Variants in RNF150 observed in about 807,000 individuals in gnomAD.
RNF150 encodes ring finger protein 150.
RNF150 carries 24 observed loss-of-function variants against 39.3 expected under a neutral mutation model. That is an observed-to-expected ratio of 0.61 (90% CI 0.44 to 0.86). The LOEUF is 0.86. Among genes scored for constraint, RNF150 ranks in the 40% least tolerant of loss-of-function variants. RNF150 has a pLI of 0.00. For missense variants in RNF150, 502 were observed against 587.8 expected (o/e 0.85, Z 1.51); for synonymous variants, 255 against 227.3 (o/e 1.12, Z -1.10).
chr4:140,882,612 T>C (rs1309828561), intron 6 of RNF150, among the ~76,000 whole-genome samples: 5 of 152,196 alleles, frequency 3.3e-5, no homozygotes, highest in Non-Finnish European at 5.9e-5. Context: ...CTCTGTTAGG[T>C]AAATATATAT....
chr4:141,127,865 A>C (rs2111101128), intron 1 of RNF150, among the ~76,000 whole-genome samples: 1 of 152,280 alleles, frequency 6.6e-6, no homozygotes, highest in African/African-American at 2.4e-5. Flanking sequence ...AAAACATACC[A>C]TTTCCTCAAC....
chr4:141,061,140 TA>T (rs1043894777), intron 1 of RNF150, among the ~76,000 whole-genome samples: 30 of 148,784 alleles, frequency 2.0e-4, no homozygotes, highest in African/African-American at 4.7e-4. Context: ...AGTATAATAA[TA>T]AAAAAAAGTA....
chr4:141,097,384 T>C (rs1578726243), intron 1 of RNF150, among the ~76,000 whole-genome samples: 1 of 152,218 alleles, frequency 6.6e-6, no homozygotes, highest in Non-Finnish European at 1.5e-5. Flanking sequence ...TTCATACATA[T>C]AGTTGGGCAT....
intron 1 of RNF150, among the ~76,000 whole-genome samples, chr4:141,153,988 C>T (rs1444320607): frequency 1.3e-5 from 2 of 152,306 alleles, no homozygotes; most frequent in South Asian, 4.1e-4. Flanking sequence ...ATTTCTCCAT[C>T]TCTCTGTGCC....
chr4:141,123,476 C>T (rs573611976), intron 1 of RNF150, among the ~76,000 whole-genome samples: 7 of 152,286 alleles, frequency 4.6e-5, no homozygotes, highest in Non-Finnish European at 8.8e-5. Flanking sequence ...TATACATCTC[C>T]GGAATGCATG....
At chr4:140,902,661 T>C (rs1730228579) in intron 6 of RNF150, among the ~76,000 whole-genome samples, 2 of 152,250 alleles carry the variant, frequency 1.3e-5, no homozygotes, top group African/African-American at 2.4e-5. Context: ...ATAGCTATTA[T>C]TGTTAAAATT....
intron 6 of RNF150, among the ~76,000 whole-genome samples, chr4:140,893,495 A>G (rs1729831509): frequency 6.6e-6 from 1 of 152,262 alleles, no homozygotes; most frequent in Non-Finnish European, 1.5e-5. Context: ...AACAAGACCT[A>G]GACTGAGCAG....
chr4:141,111,136 C>G (rs1317236786), intron 1 of RNF150, among the ~76,000 whole-genome samples: 1 of 152,162 alleles, frequency 6.6e-6, no homozygotes, highest in Non-Finnish European at 1.5e-5. Flanking sequence ...AAAATGTCAA[C>G]AGTGCCAAGG....
chr4:141,013,622 T>A (rs1735155234), intron 1 of RNF150, among the ~76,000 whole-genome samples: 1 of 152,166 alleles, frequency 6.6e-6, no homozygotes, highest in Non-Finnish European at 1.5e-5. Flanking sequence ...AAGTTTTTGT[T>A]TTTTTCCAAT....
At chr4:141,027,912 G>GTTTTGTTTTTTTTT (rs1735766281) in intron 1 of RNF150, among the ~76,000 whole-genome samples, 1 of 27,102 alleles carries the variant, frequency 3.7e-5, no homozygotes, top group Non-Finnish European at 8.6e-5. Context: ...CTTGGAATTT[G>GTTTTGTTTTTTTTT]TTTTTTTTTT....
chr4:141,014,511 ACC>A (rs1485988470), intron 1 of RNF150, among the ~76,000 whole-genome samples: 10 of 152,136 alleles, frequency 6.6e-5, no homozygotes, highest in Admixed American at 6.5e-4. Context: ...GTTATCTTTC[ACC>A]TTTTTGATAA....
At chr4:141,198,806 A>G (rs1481617896) in intron 1 of RNF150, among the ~76,000 whole-genome samples, 1 of 152,262 alleles carries the variant, frequency 6.6e-6, no homozygotes, top group African/African-American at 2.4e-5. Flanking sequence ...ATAAGGCTAA[A>G]GTAGAACAAT....
At chr4:140,876,006 A>C (rs944226809) in intron 6 of RNF150, among the ~76,000 whole-genome samples, 1 of 152,158 alleles carries the variant, frequency 6.6e-6, no homozygotes, top group African/African-American at 2.4e-5. Context: ...CTGTTTTGAG[A>C]GAAAATAAGG....
At chr4:140,961,040 T>C (rs1277881232) in intron 2 of RNF150, among the ~76,000 whole-genome samples, 1 of 152,074 alleles carries the variant, frequency 6.6e-6, no homozygotes, top group African/African-American at 2.4e-5. Context: ...AAGCAAAGAT[T>C]TGAATCGAGA....
intron 1 of RNF150, among the ~76,000 whole-genome samples, chr4:141,193,360 A>G (rs560796249): frequency 3.5e-4 from 54 of 152,298 alleles, no homozygotes; most frequent in South Asian, 4.1e-4. Context: ...TTTGTGCCCA[A>G]TCTTGGGCTT....
chr4:141,212,328 G>A (rs144689172), intron 1 of RNF150, among the ~76,000 whole-genome samples: 120 of 152,276 alleles, frequency 7.9e-4, no homozygotes, highest in African/African-American at 2.8e-3. Flanking sequence ...AACCTAGGAA[G>A]AAGGGACTTA....
chr4:141,205,341 T>A (rs756317659), intron 1 of RNF150, among the ~76,000 whole-genome samples: 9 of 152,214 alleles, frequency 5.9e-5, no homozygotes, highest in Non-Finnish European at 1.2e-4. Flanking sequence ...CAGAAGATTC[T>A]TTCAGGCTAT....
intron 1 of RNF150, among the ~76,000 whole-genome samples, chr4:141,182,832 T>G (rs2111190429): frequency 7.4e-6 from 1 of 136,048 alleles, no homozygotes; most frequent in South Asian, 2.6e-4. Flanking sequence ...AAAAACTACT[T>G]TAAAGTTCAT....
chr4:141,135,350 C>T (rs972209320), upstream of RNF150, among the ~76,000 whole-genome samples: 1 of 152,214 alleles, frequency 6.6e-6, no homozygotes, highest in Non-Finnish European at 1.5e-5. Flanking sequence ...CCACGAAAAG[C>T]AAGCTGGCTG....
Sources: gnomAD v4.1 joint callset for allele counts (sites outside exome capture counted in the v4.1 genomes callset) on GRCh38, gnomAD v4.1.1 for gene constraint, MANE v1.5 for transcripts, NCBI Gene and HGNC (gene_info 2026-07-23, HGNC 2026-07-21) for gene names.